Variants in CCDC6 observed in about 807,000 individuals in gnomAD.
CCDC6 encodes the protein coiled-coil domain-containing protein 6.
CCDC6 carries 20 observed loss-of-function variants against 56.6 expected under a neutral mutation model. The ratio of observed to expected loss-of-function variants is 0.35; its 90% CI spans 0.25 to 0.51. CCDC6 has a LOEUF of 0.51. Among genes scored for constraint, CCDC6 ranks in the 20% least tolerant of loss-of-function variants. The pLI is 0.95. For missense variants in CCDC6, 367 were observed against 601.1 expected (o/e 0.61, Z 4.07); for synonymous variants, 241 against 234.4 (o/e 1.03, Z -0.26).
chr10:59,869,389 C>CAAAAAAAAAAA lies in CCDC6; in HGVS notation c.304-16698_304-16688dup, dbSNP rs1167007522. ...GCAGTGAGACATGGACTTGCTCAGGCAAAAAAAAAAAAAAAAAAAAAAAAA... is the reference window on the plus strand; with the variant it reads ...GCAGTGAGACATGGACTTGCTCAGGCAAAAAAAAAAAAAAAAAAAAAAAAAAAAAAAAAAAA... On this transcript the variant is annotated intron_variant, in intron 1 of 8. Coordinates refer to ENST00000263102, the MANE Select transcript of CCDC6 (RefSeq NM_005436.5). Among the ~76,000 whole-genome samples the CAAAAAAAAAAA allele has an allele frequency of 1.1e-3, 7 of 6,100 alleles. 1 individual carries two copies. The highest frequency in any genetic ancestry group is 1.3e-3 in the African/African-American group (3 of 2,232). 4.0% of individuals were successfully genotyped at this position (6,100 alleles called of 152,430 possible).
intron 1 of CCDC6, among the ~76,000 whole-genome samples, chr10:59,870,665 A>AG (rs1445767585): frequency 1.3e-5 from 2 of 152,164 alleles, no homozygotes; most frequent in African/African-American, 4.8e-5. Flanking sequence ...TCTGACAAAC[A>AG]GGAGATGGAT....
At chr10:59,848,381 T>A (rs763902919) in intron 2 of CCDC6, among the ~76,000 whole-genome samples, 3 of 152,146 alleles carry the variant, frequency 2.0e-5, no homozygotes, top group African/African-American at 4.8e-5. Context: ...TAGTCTCTGG[T>A]AAAATTAGAT....
chr10:59,881,245 C>A (rs897862911), intron 1 of CCDC6, among the ~76,000 whole-genome samples: 3 of 152,102 alleles, frequency 2.0e-5, no homozygotes, highest in African/African-American at 2.4e-5. Context: ...TGACAGTCAC[C>A]CCAGCCCAGA....
intron 1 of CCDC6, among the ~76,000 whole-genome samples, chr10:59,878,313 G>A (rs2071301812): frequency 1.3e-5 from 2 of 152,204 alleles, no homozygotes; most frequent in Non-Finnish European, 2.9e-5. Context: ...CAAAATGTCT[G>A]CATTTCCAGC....
intron 6 of CCDC6, among the ~76,000 whole-genome samples, chr10:59,806,236 C>T (rs996595268): frequency 3.3e-5 from 5 of 152,164 alleles, no homozygotes; most frequent in Non-Finnish European, 7.3e-5. Flanking sequence ...CTTACCACTA[C>T]CTTATCCCGA....
chr10:59,851,778 A>G (rs1269500120), intron 2 of CCDC6, among the ~76,000 whole-genome samples: 1 of 152,230 alleles, frequency 6.6e-6, no homozygotes, highest in African/African-American at 2.4e-5. Context: ...AATAATGTTG[A>G]TAATTTTATA....
chr10:59,874,784 T>C (rs950251802), intron 1 of CCDC6, among the ~76,000 whole-genome samples: 7 of 152,002 alleles, frequency 4.6e-5, no homozygotes, highest in Non-Finnish European at 4.4e-5. Flanking sequence ...CATTGCTGGG[T>C]TTGAGGATGA....
At chr10:59,803,218 C>T (rs1314499469) in intron 7 of CCDC6, among the ~76,000 whole-genome samples, 3 of 152,076 alleles carry the variant, frequency 2.0e-5, no homozygotes, top group Non-Finnish European at 2.9e-5. Context: ...GCTTTGGAAT[C>T]AGCATCTTTA....
intron 1 of CCDC6, among the ~76,000 whole-genome samples, chr10:59,885,358 A>C (rs1285093514): frequency 1.3e-5 from 2 of 152,178 alleles, no homozygotes; most frequent in Admixed American, 6.5e-5. Flanking sequence ...AGAATGGATT[A>C]AAGTACCATT....
intron 1 of CCDC6, among the ~76,000 whole-genome samples, chr10:59,857,479 T>C (rs1026480721): frequency 6.6e-6 from 1 of 152,176 alleles, no homozygotes; most frequent in Non-Finnish European, 1.5e-5. Context: ...CCCTTCACAA[T>C]AGCACTCAAC....
intron 2 of CCDC6, among the ~76,000 whole-genome samples, chr10:59,851,877 G>A (rs1022592674): frequency 6.6e-6 from 1 of 150,590 alleles, no homozygotes; most frequent in Non-Finnish European, 1.5e-5. Context: ...ACAAACTATT[G>A]CCCCTAAGCA....
At chr10:59,852,744 G>GT (rs753177011) in intron 1 of CCDC6, 42 bp from the exon 2 acceptor site, 1 of 1,438,210 alleles carries the variant, frequency 7.0e-7, no homozygotes, top group Admixed American at 2.7e-5. Context: ...CAAAACACAT[G>GT]TTAAGGAAAC....
intron 3 of CCDC6, among the ~76,000 whole-genome samples, chr10:59,829,898 T>C (rs2132642347): frequency 6.6e-6 from 1 of 152,326 alleles, no homozygotes; most frequent in East Asian, 1.9e-4. Context: ...TTGTAGGATA[T>C]GTAAATTACA....
rs2070467113 is a variant in CCDC6 at position 59,791,460 on chromosome 10, T to G, written c.*1457A>C. ...TAAATATCTACAATGTCATGGTTCC[T>G]TATTTTTAGGAGTGTGTTTAATAAA... is the stretch of plus-strand genomic sequence containing the variant. On this transcript the variant is annotated 3_prime_UTR_variant, in exon 9 of 9. Transcript: ENST00000263102. The G allele has an allele frequency of 5.1e-6, 1 of 196,548 alleles. No individual in the cohort carries two copies. The highest frequency in any genetic ancestry group is 1.1e-5 in the Non-Finnish European group (1 of 94,506). 12.2% of individuals were successfully genotyped at this position (196,548 alleles called of 1,614,324 possible).
At chr10:59,799,588 G>A (rs940013885) in intron 7 of CCDC6, among the ~76,000 whole-genome samples, 9 of 152,234 alleles carry the variant, frequency 5.9e-5, no homozygotes, top group African/African-American at 9.6e-5. Context: ...TGAACCCCAG[G>A]GCAGCTGTGA....
chr10:59,856,428 T>TA (rs539468708), intron 1 of CCDC6, among the ~76,000 whole-genome samples: 3 of 152,026 alleles, frequency 2.0e-5, no homozygotes, highest in Non-Finnish European at 2.9e-5. Context: ...CCATGCATCA[T>TA]AAAAAAAGTA....
intron 1 of CCDC6, among the ~76,000 whole-genome samples, chr10:59,884,955 T>C (rs2071371197): frequency 2.0e-5 from 3 of 151,900 alleles, no homozygotes; most frequent in Admixed American, 2.0e-4. Flanking sequence ...TCCCAGCTGC[T>C]TGGGAGGCTG....
intron 1 of CCDC6, among the ~76,000 whole-genome samples, chr10:59,880,022 T>G (rs2071319283): frequency 6.6e-6 from 1 of 152,188 alleles, no homozygotes; most frequent in African/African-American, 2.4e-5. Context: ...GGATCCTAGC[T>G]ATTGCATAGA....
At chr10:59,886,487 A>G (rs1368030720) in intron 1 of CCDC6, among the ~76,000 whole-genome samples, 1 of 152,250 alleles carries the variant, frequency 6.6e-6, no homozygotes, top group East Asian at 1.9e-4. Flanking sequence ...CGCTACTTCT[A>G]CACACTCTTC....
Sources: allele counts gnomAD v4.1 joint callset (sites outside exome capture counted in the v4.1 genomes callset), GRCh38; gene constraint gnomAD v4.1.1; transcripts MANE v1.5; gene names NCBI Gene and HGNC (gene_info 2026-07-23, HGNC 2026-07-21).